FGF13: variants seen among roughly 807,000 people sequenced by gnomAD.
FGF13 encodes fibroblast growth factor homologous factor 2.
In FGF13, 2 loss-of-function variants were observed where a neutral mutation model predicts 19.5. The ratio of observed to expected loss-of-function variants is 0.10; its 90% CI spans 0.04 to 0.32. The LOEUF (loss-of-function observed/expected upper bound fraction) is 0.32, where lower values mean the gene tolerates loss of function less well. FGF13 is among the 10% of genes least tolerant of loss of function. The pLI is 1.00. For missense variants in FGF13, 113 were observed against 192.7 expected, an observed-to-expected ratio of 0.59 and a Z score of 2.45; for synonymous variants, 72 against 76.9, an observed-to-expected ratio of 0.94 and a Z score of 0.33.
chrX:139,090,537 A>C (rs777341406), intron 1 of FGF13, among the ~76,000 whole-genome samples: 10 of 111,323 alleles, frequency 9.0e-5, no homozygotes, highest in Non-Finnish European at 1.7e-4. Context: ...CTCATCACTC[A>C]GGTAGTAAGC....
intron 3 of FGF13, among the ~76,000 whole-genome samples, chrX:138,694,420 C>A (rs969592970): frequency 1.9e-5 from 2 of 107,503 alleles, no homozygotes; most frequent in African/African-American, 6.7e-5. Flanking sequence ...TTTGGAAATA[C>A]ATGTTAATTT....
chrX:139,198,721 C>G (rs945758564), intron 1 of FGF13, among the ~76,000 whole-genome samples: 1 of 110,838 alleles, frequency 9.0e-6, no homozygotes, highest in South Asian at 3.8e-4. Flanking sequence ...TTTCTAATAA[C>G]CCCTCCCCCA....
At chrX:138,746,219 C>T (rs1484605454) in intron 3 of FGF13, among the ~76,000 whole-genome samples, 2 of 110,258 alleles carry the variant, frequency 1.8e-5, no homozygotes, top group African/African-American at 6.6e-5. Context: ...GGTTTTACAC[C>T]AGAAAGGAAT....
intron 1 of FGF13, among the ~76,000 whole-genome samples, chrX:138,729,189 T>A (rs1000928910): frequency 1.8e-5 from 2 of 110,769 alleles, no homozygotes; most frequent in Non-Finnish European, 3.8e-5. Context: ...TAGATCTGAG[T>A]CTCAGAGATG....
chrX:138,757,042 C>A (rs902107423), intron 3 of FGF13, among the ~76,000 whole-genome samples: 10 of 111,064 alleles, frequency 9.0e-5, no homozygotes, highest in African/African-American at 3.3e-4. Flanking sequence ...GGAGCCACAT[C>A]GAAGGAGTTG....
chrX:138,967,630 A>T (rs922147988), intron 1 of FGF13, among the ~76,000 whole-genome samples: 1 of 111,356 alleles, frequency 9.0e-6, no homozygotes, highest in East Asian at 2.8e-4. Flanking sequence ...GGAAATCAAC[A>T]TCCATGACAT....
At chrX:139,133,020 C>A (rs778352589) in intron 1 of FGF13, among the ~76,000 whole-genome samples, 2 of 111,367 alleles carry the variant, frequency 1.8e-5, no homozygotes, top group African/African-American at 6.5e-5. Flanking sequence ...GGAAAAAAGG[C>A]TTCAGTGGTA....
At chrX:139,107,755 A>G (rs2083570209) in intron 1 of FGF13, among the ~76,000 whole-genome samples, 1 of 110,904 alleles carries the variant, frequency 9.0e-6, no homozygotes, top group Non-Finnish European at 1.9e-5. Context: ...GGAAAAGATG[A>G]TGGTGATGAT....
chrX:138,811,499 A>G (rs1196379334), intron 3 of FGF13, among the ~76,000 whole-genome samples: 1 of 110,670 alleles, frequency 9.0e-6, no homozygotes, highest in Non-Finnish European at 1.9e-5. Context: ...AATGTAAATG[A>G]CGAGTTAATG....
At chrX:138,984,487 A>C (rs1170782378) in intron 1 of FGF13, among the ~76,000 whole-genome samples, 1 of 21,127 alleles carries the variant, frequency 4.7e-5, no homozygotes, top group Admixed American at 3.8e-4. Flanking sequence ...AAGGAGAAGA[A>C]GGAGAAGGAG....
intron 1 of FGF13, among the ~76,000 whole-genome samples, chrX:139,097,102 A>G (rs1292827058): frequency 8.9e-6 from 1 of 112,253 alleles, no homozygotes; most frequent in East Asian, 2.8e-4. Flanking sequence ...AATGAAATCC[A>G]GCAATGTATA....
intron 1 of FGF13, among the ~76,000 whole-genome samples, chrX:138,955,551 T>C (rs1210798544): frequency 8.9e-6 from 1 of 111,878 alleles, no homozygotes; most frequent in African/African-American, 3.2e-5. Flanking sequence ...GTTACACAGG[T>C]AGTAAGTGGC....
At position 138,702,589 on chromosome X, in the gene FGF13, C is replaced by T. The variant is rs147008968; in HGVS notation, c.402+395G>A. Among the ~76,000 whole-genome samples the T allele has an allele frequency of 7.4e-4, 83 of 111,981 alleles. 1 individual carries two copies. In the East Asian group the frequency reaches 0.022, roughly 30 times the overall value. ...CTTCAAGAACTGGTTTTCATGTCCT[C>T]GAGCTGATCTGAGGGAGAGATCTCA... On this transcript the variant is annotated intron_variant, in intron 3 of 4. Transcript: ENST00000315930.
At position 138,781,817 on chromosome X, in the gene FGF13, C is replaced by T. The variant is rs1486001696; in HGVS notation, c.218-72889G>A. Among the ~76,000 whole-genome samples, 8 of 111,865 alleles carry T rather than the reference C, an allele frequency of 7.2e-5. No individual in the cohort carries two copies. The Admixed American group carries it at 7.6e-4, about 11-fold the overall frequency. ...TCCCTAACTCATTTTACGAGGCCAG[C>T]ATCACTCTGATACCAAAGCCGGGCA... is the stretch of plus-strand genomic sequence containing the variant. On this transcript the variant is annotated intron_variant, in intron 3 of 6. Transcript: ENST00000436198.
At chrX:138,966,329 A>G (rs761416565) in intron 1 of FGF13, among the ~76,000 whole-genome samples, 2 of 112,379 alleles carry the variant, frequency 1.8e-5, no homozygotes, top group Non-Finnish European at 3.8e-5. Flanking sequence ...GAAAGCAGCC[A>G]GGGCAGGGGG....
Position 138,632,430 on chromosome X carries a change from C to T in FGF13, c.*420G>A, listed in dbSNP as rs917686316. ...ACAATTCACATAATTTTGTTTGCCC[C>T]GACAAAACATTTAAGCAGTTAATTT... is the stretch of plus-strand genomic sequence containing the variant. On this transcript the variant is annotated 3_prime_UTR_variant, in exon 5 of 5. Coordinates refer to ENST00000315930, the MANE Select transcript of FGF13 (RefSeq NM_004114.5). 8.9e-5 allele frequency: 10 copies of T among 112,093 alleles called. No individual in the cohort carries two copies. Among genetic ancestry groups the T allele is most frequent in the Non-Finnish European group, 1.5e-4 (8 of 53,527 alleles). 9.2% of individuals were successfully genotyped at this position (112,093 alleles called of 1,213,427 possible). A position where few individuals can be genotyped will look rare whatever the true frequency, so the allele number is the denominator to read the frequency against.
At chrX:139,148,076 A>G (rs1454512114) in intron 1 of FGF13, among the ~76,000 whole-genome samples, 1 of 111,297 alleles carries the variant, frequency 9.0e-6, no homozygotes, top group Admixed American at 9.6e-5. Flanking sequence ...CTTTCTTTCT[A>G]CAAAGGTAGA....
At position 139,130,804 on chromosome X, in the gene FGF13, C is replaced by T. The variant is rs767573904; in HGVS notation, c.-113+72612G>A. 7.2e-5 allele frequency among the ~76,000 whole-genome samples: 8 copies of T among 111,752 alleles called. No homozygotes were observed. In the South Asian group the frequency reaches 2.2e-3, roughly 31 times the overall value. Reference sequence around the variant, plus strand: ...TACCAAAATATATGAAAATCATACTCGTTTTTGGGTTGCCAAATAAATTAT... The same window carrying T: ...TACCAAAATATATGAAAATCATACTTGTTTTTGGGTTGCCAAATAAATTAT... On this transcript the variant is annotated intron_variant, in intron 1 of 2. Coordinates refer to the FGF13 transcript ENST00000421460.
At chrX:139,108,330 GCAAC>G (rs2083574076) in intron 1 of FGF13, among the ~76,000 whole-genome samples, 1 of 111,694 alleles carries the variant, frequency 9.0e-6, no homozygotes, top group African/African-American at 3.3e-5. Context: ...GGCATCTGAT[GCAAC>G]CCTAATGTCT....
Sources: gnomAD v4.1 joint callset for allele counts (sites outside exome capture counted in the v4.1 genomes callset) on GRCh38, gnomAD v4.1.1 for gene constraint, MANE v1.5 for transcripts, NCBI Gene and HGNC (gene_info 2026-07-23, HGNC 2026-07-21) for gene names.